The following SEMA3C variants were observed in gnomAD, a reference collection of about 807,000 sequenced individuals.
SEMA3C encodes semaphorin-3C.
A neutral mutation model predicts 89.4 loss-of-function variants in SEMA3C; 47 were observed. The ratio of observed to expected loss-of-function variants is 0.53; its 90% CI spans 0.42 to 0.67. SEMA3C has a LOEUF of 0.67. Ranked by LOEUF, SEMA3C falls within the 30% of genes least tolerant of loss-of-function variation. The pLI is 0.00. For missense variants in SEMA3C, 839 were observed against 929.1 expected, an observed-to-expected ratio of 0.90 and a Z score of 1.26; for synonymous variants, 310 against 320.2, an observed-to-expected ratio of 0.97 and a Z score of 0.34.
chr7:80,746,718 G>GGTGTGTGTGTGTGTGT (rs5885196), intron 17 of SEMA3C, among the ~76,000 whole-genome samples: 22,101 of 142,818 alleles, frequency 0.15, 1,988 homozygotes, highest in Admixed American at 0.2. Context: ...ATTGAAGTGG[G>GGTGTGTGTGTGTGTGT]GTGTGTGTGT....
intron 2 of SEMA3C, among the ~76,000 whole-genome samples, chr7:80,882,248 A>G (rs1339573390): frequency 2.0e-5 from 3 of 152,070 alleles, no homozygotes; most frequent in South Asian, 2.1e-4. Context: ...CTCAACCTCA[A>G]TTAATAAAAT....
At chr7:80,869,953 T>C (rs558935174) in intron 2 of SEMA3C, among the ~76,000 whole-genome samples, 121 of 152,338 alleles carry the variant, frequency 7.9e-4, no homozygotes, top group African/African-American at 2.7e-3. Context: ...CTTTGCCTTA[T>C]TACCAAAGTT....
chr7:80,825,230 ATG>A (rs1055168330), intron 4 of SEMA3C, among the ~76,000 whole-genome samples: 8 of 152,110 alleles, frequency 5.3e-5, no homozygotes, highest in African/African-American at 1.9e-4. Flanking sequence ...AGTATTTCAC[ATG>A]TATGAAATGG....
chr7:80,774,500 A>G (rs998055096), intron 12 of SEMA3C, among the ~76,000 whole-genome samples: 3 of 152,206 alleles, frequency 2.0e-5, no homozygotes, highest in Non-Finnish European at 2.9e-5. Context: ...AGACAGGAAA[A>G]TTCATTAAAG....
Position 80,847,827 on chromosome 7 carries a change from C to A in SEMA3C, c.104-19082G>T, listed in dbSNP as rs79817584. ...GGGCACAACAACAACCTTGTTCATA[C>A]AATCAGCTTTTTACTCTGAGGCAGA... On this transcript the variant is annotated intron_variant, in intron 2 of 17. Transcript: ENST00000265361. 3.6e-3 allele frequency among the ~76,000 whole-genome samples: 541 copies of A among 152,290 alleles called. 10 individuals are homozygous for A. The highest frequency in any genetic ancestry group is 0.035 in the East Asian group (182 of 5,170).
At position 80,798,223 on chromosome 7, in the gene SEMA3C, CT is replaced by C; in HGVS notation, c.999del (p.Gly334AspfsTer30). On this transcript the variant is annotated frameshift_variant, in exon 11 of 18. Transcript: ENST00000265361. LOFTEE classifies it high-confidence loss of function. ...AAATGATACACACACACGGCTGATC[CT>C]TTGAAAACTGAGCTAAAAAAGAAAA... Reference protein sequence around the residue: ...GIFTTSSSVFKGSAVCVYHLS... With the variant: ...GIFTTSSSVFXGSAVCVYHLS... The C allele has an allele frequency of 6.9e-7, 1 of 1,450,240 alleles. No individual in the cohort carries two copies. Among genetic ancestry groups the C allele is most frequent in the Non-Finnish European group, 9.1e-7 (1 of 1,098,048 alleles). The allele number at this position is 1,450,240 out of a possible 1,614,324, so 89.8% of individuals were successfully genotyped here.
chr7:80,812,517 ACT>A (rs1789491373), intron 5 of SEMA3C, among the ~76,000 whole-genome samples: 1 of 152,176 alleles, frequency 6.6e-6, no homozygotes, highest in Admixed American at 6.5e-5. Context: ...AGAGCTGGAG[ACT>A]GATTTGACCA....
intron 6 of SEMA3C, among the ~76,000 whole-genome samples, chr7:80,806,504 A>G (rs1022503288): frequency 6.6e-6 from 1 of 152,194 alleles, no homozygotes; most frequent in African/African-American, 2.4e-5. Flanking sequence ...ACTCAGCCAT[A>G]AAAATAGAAT....
intron 2 of SEMA3C, among the ~76,000 whole-genome samples, chr7:80,842,543 GC>G (rs1184456843): frequency 6.6e-6 from 1 of 152,026 alleles, no homozygotes; most frequent in Non-Finnish European, 1.5e-5. Flanking sequence ...TGGAAATAAG[GC>G]GCACTTAAAA....
intron 2 of SEMA3C, among the ~76,000 whole-genome samples, chr7:80,843,352 T>C (rs1200683768): frequency 5.9e-5 from 9 of 152,200 alleles, no homozygotes; most frequent in Admixed American, 5.9e-4. Context: ...AAATTAAAAA[T>C]TAAAATGAGA....
At chr7:80,843,939 T>A (rs1367810013) in intron 2 of SEMA3C, among the ~76,000 whole-genome samples, 1 of 152,154 alleles carries the variant, frequency 6.6e-6, no homozygotes, top group Non-Finnish European at 1.5e-5. Flanking sequence ...AAAGTACCTA[T>A]AAAGTGTCTA....
intron 2 of SEMA3C, among the ~76,000 whole-genome samples, chr7:80,893,900 C>T (rs542641221): frequency 6.6e-5 from 10 of 152,094 alleles, no homozygotes; most frequent in East Asian, 1.9e-4. Context: ...ATGTAAACAA[C>T]GTTACAACGT....
At chr7:80,900,820 A>G (rs61513924) in intron 2 of SEMA3C, among the ~76,000 whole-genome samples, 4,039 of 152,348 alleles carry the variant, frequency 0.027, 160 homozygotes, top group African/African-American at 0.088. Context: ...AGTTTATTGT[A>G]CAACACTATA....
chr7:80,796,470 C>A lies in SEMA3C; in HGVS notation c.1131+1622G>T, dbSNP rs554633398. On this transcript the variant is annotated intron_variant, in intron 11 of 17. Coordinates refer to ENST00000265361, the MANE Select transcript of SEMA3C (RefSeq NM_006379.5). ...CTCAGCTCACTGCAAGCTCCCCTCC[C>A]GGGTTCACGCCATTCTCCTGCCTCA... 131 of 152,238 alleles carry A rather than the reference C, an allele frequency of 8.6e-4. 2 individuals are homozygous for A. The highest frequency in any genetic ancestry group is 3.4e-3 in the Middle Eastern group (1 of 296). The allele number at this position is 152,238 out of a possible 1,614,324, so 9.4% of individuals were successfully genotyped here. A position where few individuals can be genotyped will look rare whatever the true frequency, so the allele number is the denominator to read the frequency against.
chr7:80,814,176 C>T (rs916837840), intron 5 of SEMA3C, among the ~76,000 whole-genome samples: 12 of 151,654 alleles, frequency 7.9e-5, no homozygotes, highest in African/African-American at 2.7e-4. Context: ...TGGCGAGCTC[C>T]GCCTCCCGGG....
chr7:80,906,545 A>G (rs1375730863), intron 2 of SEMA3C, among the ~76,000 whole-genome samples: 1 of 152,078 alleles, frequency 6.6e-6, no homozygotes, highest in East Asian at 1.9e-4. Context: ...AAAAGAAGAG[A>G]AAAAAAAGAG....
chr7:80,850,688 CTT>C (rs1790490868), intron 2 of SEMA3C, among the ~76,000 whole-genome samples: 2 of 152,246 alleles, frequency 1.3e-5, no homozygotes, highest in Admixed American at 1.3e-4. Context: ...AGTATGGTAT[CTT>C]TTGCTAACTA....
At chr7:80,775,445 C>T (rs1254695998) in intron 12 of SEMA3C, among the ~76,000 whole-genome samples, 1 of 152,010 alleles carries the variant, frequency 6.6e-6, no homozygotes, top group Non-Finnish European at 1.5e-5. Flanking sequence ...GCCAAACAGA[C>T]CTATATGTGA....
At chr7:80,867,171 C>T (rs1465381422) in intron 2 of SEMA3C, among the ~76,000 whole-genome samples, 1 of 152,142 alleles carries the variant, frequency 6.6e-6, no homozygotes, top group Non-Finnish European at 1.5e-5. Context: ...TAGAAAAAGA[C>T]TTTATAATAA....
Sources: allele counts gnomAD v4.1 joint callset (sites outside exome capture counted in the v4.1 genomes callset), GRCh38; gene constraint gnomAD v4.1.1; transcripts MANE v1.5; gene names NCBI Gene and HGNC (gene_info 2026-07-23, HGNC 2026-07-21).